Variants in ZKSCAN7 observed in about 807,000 individuals in gnomAD.
ZKSCAN7 encodes zinc finger protein with KRAB and SCAN domains 7.
A neutral mutation model predicts 65.3 loss-of-function variants in ZKSCAN7; 38 were observed. The ratio of observed to expected loss-of-function variants is 0.58; its 90% CI spans 0.45 to 0.76. The LOEUF (loss-of-function observed/expected upper bound fraction) is 0.76. Among genes scored for constraint, ZKSCAN7 ranks in the 30% least tolerant of loss-of-function variants. The probability of loss-of-function intolerance (pLI) is 0.00; values close to 1 mark genes in which losing one functional copy is unlikely to be tolerated. For missense variants in ZKSCAN7, 815 were observed against 913.3 expected (o/e 0.89, Z 1.39); for synonymous variants, 321 against 321.0 (o/e 1.00, Z 0.00).
chr3:44,565,447 G>T, intron 2 of ZKSCAN7, 40 bp from the exon 3 acceptor site: 1 of 1,546,616 alleles, frequency 6.5e-7, no homozygotes, highest in Non-Finnish European at 8.7e-7. Flanking sequence ...GTACCTTCAA[G>T]GATGCTCTTT....
chr3:44,565,744 A>G (rs1244440664), intron 3 of ZKSCAN7, 89 bp downstream of exon 3: 52 of 1,305,068 alleles, frequency 4.0e-5, no homozygotes, highest in Non-Finnish European at 5.2e-5. Context: ...CTCCTACTCC[A>G]TGGAATCCCT....
At chr3:44,569,640 A>G (rs1699735692) in intron 5 of ZKSCAN7, among the ~76,000 whole-genome samples, 2 of 152,162 alleles carry the variant, frequency 1.3e-5, no homozygotes, top group African/African-American at 4.8e-5. Context: ...ATGCTTTGCA[A>G]TCCACTTTTT....
At chr3:44,568,158 C>G in intron 4 of ZKSCAN7, 149 bp from the exon 5 acceptor site, 1 of 1,533,890 alleles carries the variant, frequency 6.5e-7, no homozygotes, top group Non-Finnish European at 8.8e-7. Flanking sequence ...CTATCTTGCC[C>G]TGGACTTGTC....
Sources: gnomAD v4.1 joint callset for allele counts (sites outside exome capture counted in the v4.1 genomes callset) on GRCh38, gnomAD v4.1.1 for gene constraint, MANE v1.5 for transcripts, NCBI Gene and HGNC (gene_info 2026-07-23, HGNC 2026-07-21) for gene names.